IPMK: variants seen among roughly 807,000 people sequenced by gnomAD.
IPMK encodes the protein inositol 1,3,4,6-tetrakisphosphate 5-kinase.
In IPMK, 17 loss-of-function variants were observed where a neutral mutation model predicts 45.8. The observed-to-expected ratio is 0.37, with a 90% CI of 0.25 to 0.56. IPMK has a LOEUF of 0.56. Among genes scored for constraint, IPMK ranks in the 20% least tolerant of loss-of-function variants. The probability of loss-of-function intolerance (pLI) is 0.79; values close to 1 mark genes in which losing one functional copy is unlikely to be tolerated. For missense variants in IPMK, 399 were observed against 498.0 expected, an observed-to-expected ratio of 0.80 and a Z score of 1.89; for synonymous variants, 180 against 184.3, an observed-to-expected ratio of 0.98 and a Z score of 0.19.
chr10:58,211,901 CAA>C (rs753050298), intron 4 of IPMK, among the ~76,000 whole-genome samples: 63 of 50,334 alleles, frequency 1.3e-3, no homozygotes, highest in South Asian at 4.4e-3. Flanking sequence ...GACATCTCAC[CAA>C]AAAAAAAAAA....
intron 2 of IPMK, 134 bp from the exon 3 acceptor site, chr10:58,227,273 C>T: frequency 1.6e-6 from 1 of 608,284 alleles, no homozygotes. Flanking sequence ...TTGGAACAAG[C>T]AAAAAATATT....
chr10:58,193,238 G>A lies in IPMK; in HGVS notation c.*2838C>T, dbSNP rs1418956913. On this transcript the variant is annotated 3_prime_UTR_variant, in exon 6 of 6. Coordinates refer to ENST00000373935, the MANE Select transcript of IPMK (RefSeq NM_152230.5). ...TTGATAGACATAAGAACATCATCTT[G>A]GAAATCATAAAATACTAAATTATGC... 1.3e-5 allele frequency: 2 copies of A among 151,796 alleles called. No homozygotes were observed. Among genetic ancestry groups the A allele is most frequent in the Non-Finnish European group, 3.0e-5 (2 of 67,792 alleles). The allele number at this position is 151,796 out of a possible 1,614,324, so 9.4% of individuals were successfully genotyped here.
chr10:58,218,958 A>G (rs1838289661), intron 3 of IPMK, among the ~76,000 whole-genome samples: 1 of 152,178 alleles, frequency 6.6e-6, no homozygotes, highest in African/African-American at 2.4e-5. Context: ...CCTTCCTCAC[A>G]CTATAATAAA....
At chr10:58,209,911 T>A (rs1838132608) in intron 4 of IPMK, among the ~76,000 whole-genome samples, 1 of 152,192 alleles carries the variant, frequency 6.6e-6, no homozygotes, top group Admixed American at 6.5e-5. Flanking sequence ...GAGCACCACT[T>A]GCAGTATTGG....
intron 2 of IPMK, among the ~76,000 whole-genome samples, chr10:58,231,936 T>A (rs61875356): frequency 0.018 from 2,739 of 152,212 alleles, 33 homozygotes; most frequent in Non-Finnish European, 0.029. Flanking sequence ...GAGACCCATC[T>A]CACATGCAAA....
intron 3 of IPMK, among the ~76,000 whole-genome samples, chr10:58,223,607 A>C (rs879231466): frequency 6.6e-6 from 1 of 152,202 alleles, no homozygotes; most frequent in African/African-American, 2.4e-5. Context: ...ACCTCATAAA[A>C]AAGGAGGAAA....
chr10:58,241,993 C>G (rs916185426), intron 1 of IPMK, among the ~76,000 whole-genome samples: 2 of 151,696 alleles, frequency 1.3e-5, no homozygotes, highest in African/African-American at 4.8e-5. Context: ...GAGGTATAAT[C>G]ATTTCAGTAA....
chr10:58,244,096 C>T (rs368841459), intron 1 of IPMK, among the ~76,000 whole-genome samples: 11 of 151,134 alleles, frequency 7.3e-5, no homozygotes, highest in African/African-American at 2.2e-4. Flanking sequence ...TCTGCCCGGC[C>T]GCCCCGTCTG....
intron 1 of IPMK, 75 bp downstream of exon 1, chr10:58,267,347 G>A (rs1839163767): frequency 6.8e-7 from 1 of 1,478,170 alleles, no homozygotes; most frequent in East Asian, 2.3e-5. Context: ...GCCCGAGAGC[G>A]CTAGGCTGCC....
At chr10:58,208,376 T>A (rs1838103664) in intron 4 of IPMK, among the ~76,000 whole-genome samples, 1 of 152,230 alleles carries the variant, frequency 6.6e-6, no homozygotes, top group Non-Finnish European at 1.5e-5. Context: ...GGAGCTACTG[T>A]GATCTTTTCG....
chr10:58,217,001 C>T (rs1838253437), intron 3 of IPMK, among the ~76,000 whole-genome samples: 1 of 151,966 alleles, frequency 6.6e-6, no homozygotes, highest in African/African-American at 2.4e-5. Context: ...CAGGCGTGTA[C>T]CACTGCCTGG....
At chr10:58,243,909 G>A (rs938934342) in intron 1 of IPMK, among the ~76,000 whole-genome samples, 24 of 141,108 alleles carry the variant, frequency 1.7e-4, no homozygotes, top group South Asian at 7.0e-4. Context: ...CCACCACCCC[G>A]TCTAGGAAGT....
chr10:58,237,579 G>C, intron 2 of IPMK, 150 bp downstream of exon 2: 1 of 616,122 alleles, frequency 1.6e-6, no homozygotes, highest in Non-Finnish European at 2.9e-6. Flanking sequence ...ATCACATACA[G>C]TAAAGATACG....
chr10:58,246,112 C>G lies in IPMK; in HGVS notation c.191-8298G>C, dbSNP rs1369920977. Among the ~76,000 whole-genome samples the G allele has an allele frequency of 8.4e-5, 11 of 131,004 alleles. No individual in the cohort carries two copies. The East Asian group carries it at 2.2e-3, about 26-fold the overall frequency. 85.9% of individuals were successfully genotyped at this position (131,004 alleles called of 152,430 possible). The stretch of plus-strand genomic sequence containing the variant: ...AACTTACAAGGGATGTGAAGGACCT[C>G]TTCAAGGAGAACTACAAACCACTGC... On this transcript the variant is annotated intron_variant, in intron 1 of 5. Coordinates refer to ENST00000373935, the MANE Select transcript of IPMK (RefSeq NM_152230.5).
chr10:58,259,743 G>C (rs565155783), intron 1 of IPMK, among the ~76,000 whole-genome samples: 1 of 150,368 alleles, frequency 6.7e-6, no homozygotes, highest in South Asian at 2.1e-4. Flanking sequence ...AGGAGGCTTC[G>C]GTGGGAGGAT....
chr10:58,258,303 C>T (rs889300516), intron 1 of IPMK, among the ~76,000 whole-genome samples: 9 of 138,952 alleles, frequency 6.5e-5, no homozygotes, highest in African/African-American at 2.5e-4. Flanking sequence ...AGCGAGATTC[C>T]ATCTCAAAAC....
At chr10:58,222,400 T>C (rs1283580281) in intron 3 of IPMK, among the ~76,000 whole-genome samples, 2 of 152,194 alleles carry the variant, frequency 1.3e-5, no homozygotes, top group East Asian at 3.8e-4. Context: ...GTGTGTATCA[T>C]AAAGATAGCA....
At chr10:58,222,505 C>A (rs576723532) in intron 3 of IPMK, among the ~76,000 whole-genome samples, 1 of 152,196 alleles carries the variant, frequency 6.6e-6, no homozygotes, top group South Asian at 2.1e-4. Context: ...CACTTGTAAA[C>A]CCCAGATCTA....
At position 58,191,614 on chromosome 10, in the gene IPMK, TATAAA is replaced by T. The variant is rs566176034; in HGVS notation, c.*4457_*4461del. 1.3e-4 allele frequency: 20 copies of T among 152,086 alleles called. No homozygotes were observed. Among genetic ancestry groups the T allele is most frequent in the Non-Finnish European group, 2.8e-4 (19 of 67,960 alleles). 9.4% of individuals were successfully genotyped at this position (152,086 alleles called of 1,614,324 possible). ...ATTGGTATATCACATTAGATGATTC[TATAAA>T]ATAAAAACACAAATCACACATTGAC... On this transcript the variant is annotated 3_prime_UTR_variant, in exon 6 of 6. Transcript: ENST00000373935.
Sources: gnomAD v4.1 joint callset for allele counts (sites outside exome capture counted in the v4.1 genomes callset) on GRCh38, gnomAD v4.1.1 for gene constraint, MANE v1.5 for transcripts, NCBI Gene and HGNC (gene_info 2026-07-23, HGNC 2026-07-21) for gene names.